NANOG: variants seen among roughly 807,000 people sequenced by gnomAD.
The protein encoded by NANOG is homeobox protein NANOG.
NANOG carries 2 observed loss-of-function variants against 17.7 expected under a neutral mutation model. That is an observed-to-expected ratio of 0.11 (90% CI 0.05 to 0.36). NANOG has a LOEUF of 0.36. Among genes scored for constraint, NANOG ranks in the 10% least tolerant of loss-of-function variants. The pLI is 1.00. For synonymous variants in NANOG, 81 were observed against 124.7 expected (o/e 0.65, Z 2.33); for missense variants, 174 against 362.1 (o/e 0.48, Z 4.22).
chr12:7,789,445 G>C lies in NANOG; in HGVS notation c.-170G>C. On this transcript the variant is annotated 5_prime_UTR_variant, in exon 1 of 4. Coordinates refer to ENST00000229307, the MANE Select transcript of NANOG (RefSeq NM_024865.4). ...GGATTTTAACGTTCTGCTGGACTGA[G>C]CTGGTTGCCTCATGTTATTATGCAG... is the stretch of plus-strand genomic sequence containing the variant. 2 of 616,136 alleles carry C rather than the reference G, an allele frequency of 3.2e-6. No homozygotes were observed. The highest frequency in any genetic ancestry group is 5.7e-6 in the Non-Finnish European group (2 of 349,240). 38.2% of individuals were successfully genotyped at this position (616,136 alleles called of 1,614,324 possible).
chr12:7,797,825 G>C lies in NANOG; in HGVS notation c.*2730G>C, dbSNP rs1862951529. The C allele has an allele frequency of 6.6e-6, 1 of 152,056 alleles. No individual in the cohort carries two copies. The allele number at this position is 152,056 out of a possible 1,614,324, so 9.4% of individuals were successfully genotyped here. ...CACACCACCATGCCAGCTAACTTTTGTGTTTTTAGGAGAGACGGGGTTTCC... is the reference window on the plus strand; with the variant it reads ...CACACCACCATGCCAGCTAACTTTTCTGTTTTTAGGAGAGACGGGGTTTCC... On this transcript the variant is annotated 3_prime_UTR_variant, in exon 4 of 4. Transcript: ENST00000229307.
At chr12:7,793,328 C>A in intron 2 of NANOG, 116 bp downstream of exon 2, 2 of 913,472 alleles carry the variant, frequency 2.2e-6, no homozygotes, top group African/African-American at 1.7e-5. Flanking sequence ...TCGCCTCTTG[C>A]AAATAATTTA....
At position 7,789,469 on chromosome 12, in the gene NANOG, A is replaced by G. The variant is rs1862803740; in HGVS notation, c.-146A>G. ...AGCTGGTTGCCTCATGTTATTATGCAGGCAACTCACTTTATCCCAATTTCT... is the reference window on the plus strand; with the variant it reads ...AGCTGGTTGCCTCATGTTATTATGCGGGCAACTCACTTTATCCCAATTTCT... On this transcript the variant is annotated 5_prime_UTR_variant, in exon 1 of 4. Transcript: ENST00000229307. 4 of 657,666 alleles carry G rather than the reference A, an allele frequency of 6.1e-6. No homozygotes were observed. The highest frequency in any genetic ancestry group is 1.9e-5 in the South Asian group (1 of 51,758). The allele number at this position is 657,666 out of a possible 1,614,324, so 40.7% of individuals were successfully genotyped here.
chr12:7,794,540 G>T lies in NANOG; in HGVS notation c.498G>T (p.Thr166=), dbSNP rs759258513. 6.2e-7 allele frequency: 1 copy of T among 1,613,010 alleles called. No individual in the cohort carries two copies. Among genetic ancestry groups the T allele is most frequent in the African/African-American group, 1.3e-5 (1 of 74,888 alleles). Reference sequence around the variant, plus strand: ...GGCCGAAGAATAGCAATGGTGTGACGCAGGTAACAGGAAACTTCATTCTGT... The same window carrying T: ...GGCCGAAGAATAGCAATGGTGTGACTCAGGTAACAGGAAACTTCATTCTGT... ...NNWPKNSNGV[T]QKASAPTYPS... is the part of the protein sequence containing the mutation. Residue 166 remains threonine, a synonymous_variant, in exon 3 of 4, where the codon ACG becomes ACT. Coordinates refer to ENST00000229307, the MANE Select transcript of NANOG (RefSeq NM_024865.4).
At position 7,796,245 on chromosome 12, in the gene NANOG, A is replaced by T. The variant is rs1435948410; in HGVS notation, c.*1150A>T. ...GGTTGTAGTGAGCCAATATCACACC[A>T]CTGCACTCCAGCTTGGGCGACAAGA... On this transcript the variant is annotated 3_prime_UTR_variant, in exon 4 of 4. Transcript: ENST00000229307. 6.6e-6 allele frequency: 1 copy of T among 152,146 alleles called. No individual in the cohort carries two copies. The highest frequency in any genetic ancestry group is 6.6e-5 in the Admixed American group (1 of 15,254). 9.4% of individuals were successfully genotyped at this position (152,146 alleles called of 1,614,324 possible).
At chr12:7,790,840 A>C (rs1222035963) in intron 1 of NANOG, among the ~76,000 whole-genome samples, 1 of 152,110 alleles carries the variant, frequency 6.6e-6, no homozygotes, top group South Asian at 2.1e-4. Context: ...CAACCCTGAG[A>C]TCAAGTGATC....
Position 7,796,434 on chromosome 12 carries a change from C to T in NANOG, c.*1339C>T, listed in dbSNP as rs1193620528. ...ATCTACAAATGTAATGGGTTATTTC[C>T]GTGTATGAATCTGTAATTGATGCTA... On this transcript the variant is annotated 3_prime_UTR_variant, in exon 4 of 4. Coordinates refer to ENST00000229307, the MANE Select transcript of NANOG (RefSeq NM_024865.4). The T allele has an allele frequency of 2.0e-5, 3 of 152,034 alleles. No individual in the cohort carries two copies. The highest frequency in any genetic ancestry group is 4.4e-5 in the Non-Finnish European group (3 of 68,020). 9.4% of individuals were successfully genotyped at this position (152,034 alleles called of 1,614,324 possible). A position where few individuals can be genotyped will look rare whatever the true frequency, so the allele number is the denominator to read the frequency against.
Position 7,794,781 on chromosome 12 carries a change from A to C in NANOG, c.604A>C (p.Asn202His). The change falls in exon 4 of 4, where the codon AAC becomes CAC. Residue 202 changes from asparagine (N) to histidine (H), a missense_variant. Asn to His is a moderately conservative substitution (Grantham distance 68, BLOSUM62 1). Around this residue, in one of 2 missense-constraint regions of NANOG, gnomAD observed 158 missense variants for 244.2 expected, o/e 0.65. Transcript: ENST00000229307. Reference protein sequence around the residue: ...NLPMWSNQTWNNSTWSNQTQN... With the variant: ...NLPMWSNQTWHNSTWSNQTQN... ...TCCAATGTGGAGCAACCAGACCTGGAACAATTCAACCTGGAGCAACCAGAC... is the reference window on the plus strand; with the variant it reads ...TCCAATGTGGAGCAACCAGACCTGGCACAATTCAACCTGGAGCAACCAGAC... The C allele has an allele frequency of 6.4e-7, 1 of 1,555,888 alleles. No homozygotes were observed. Among genetic ancestry groups the C allele is most frequent in the Non-Finnish European group, 8.7e-7 (1 of 1,149,312 alleles).
At chr12:7,791,619 C>A (rs1260579708) in intron 1 of NANOG, among the ~76,000 whole-genome samples, 8 of 152,044 alleles carry the variant, frequency 5.3e-5, no homozygotes, top group African/African-American at 1.9e-4. Flanking sequence ...TATGTGACTG[C>A]AGGGGTAGAA....
At chr12:7,790,592 CA>C (rs1452210767) in intron 1 of NANOG, among the ~76,000 whole-genome samples, 1 of 152,118 alleles carries the variant, frequency 6.6e-6, no homozygotes, top group Non-Finnish European at 1.5e-5. Context: ...GAGAATGAAC[CA>C]ACTTTACCAA....
chr12:7,792,638 T>C (rs1862856898), intron 1 of NANOG, among the ~76,000 whole-genome samples: 1 of 152,028 alleles, frequency 6.6e-6, no homozygotes, highest in Non-Finnish European at 1.5e-5. Flanking sequence ...CACTTCAGCC[T>C]GGGCAACAAG....
chr12:7,793,352 C>T (rs1213646369), intron 2 of NANOG, 140 bp downstream of exon 2: 1 of 723,908 alleles, frequency 1.4e-6, no homozygotes, highest in East Asian at 2.7e-5. Context: ...AGATGAAATG[C>T]TTTTGTAACT....
intron 1 of NANOG, among the ~76,000 whole-genome samples, chr12:7,790,302 T>G (rs560577184): frequency 6.6e-6 from 1 of 152,234 alleles, no homozygotes; most frequent in Non-Finnish European, 1.5e-5. Flanking sequence ...TCTGGGTTTG[T>G]GGATGTTACT....
In NANOG at chr12:7,789,665, C is replaced by A. The variant is rs377465904; in HGVS notation, c.51C>A (p.Ser17=). ...CPQSLPCFEA[S]DCKESSPMPV... ...AAAGCTTGCCTTGCTTTGAAGCATC[C>A]GACTGTAAAGAATCTTCACCTATGC... Residue 17 remains serine, a synonymous_variant, in exon 1 of 4, where the codon TCC becomes TCA. Transcript: ENST00000229307. The A allele has an allele frequency of 1.9e-6, 3 of 1,614,164 alleles. No individual in the cohort carries two copies. The East Asian group carries it at 6.7e-5, about 36-fold the overall frequency.
chr12:7,793,038 A>G lies in NANOG; in HGVS notation c.240A>G (p.Ala80=), dbSNP rs770289302. 9 of 1,609,946 alleles carry G rather than the reference A, an allele frequency of 5.6e-6. No homozygotes were observed. Among genetic ancestry groups the G allele is most frequent in the Middle Eastern group, 1.7e-4 (1 of 5,724 alleles). ...CCAAAGGCAAACAACCCACTTCTGC[A>G]GAGAAGAGTGTCGCAAAAAAGGAAG... ...TSPKGKQPTS[A]EKSVAKKEDK... Residue 80 remains alanine (A), a synonymous_variant, in exon 2 of 4, where the codon GCA becomes GCG. Coordinates refer to ENST00000229307, the MANE Select transcript of NANOG (RefSeq NM_024865.4).
chr12:7,790,800 C>T (rs1353251238), intron 1 of NANOG, among the ~76,000 whole-genome samples: 1 of 152,118 alleles, frequency 6.6e-6, no homozygotes. Flanking sequence ...GGCTGGAGTG[C>T]AATGGTGTGA....
In NANOG at chr12:7,792,396, G is replaced by A. The variant is rs143476197; in HGVS notation, c.152-554G>A. Among the ~76,000 whole-genome samples the A allele has an allele frequency of 1.4e-3, 219 of 152,226 alleles. 1 individual carries two copies. Among genetic ancestry groups the A allele is most frequent in the African/African-American group, 5.1e-3 (212 of 41,542 alleles). ...AAGGTGGTAGCGCCGGCCTGATGAG[G>A]TGGCTCACACCTGTAATCTCAGTAC... On this transcript the variant is annotated intron_variant, in intron 1 of 3. Transcript: ENST00000229307.
rs1222686162 is a variant in NANOG at position 7,798,457 on chromosome 12, CCTTT to C, written c.*3367_*3370del. 1 of 152,278 alleles carries C rather than the reference CCTTT, an allele frequency of 6.6e-6. No homozygotes were observed. Among genetic ancestry groups the C allele is most frequent in the East Asian group, 1.9e-4 (1 of 5,190 alleles). The allele number at this position is 152,278 out of a possible 1,614,324, so 9.4% of individuals were successfully genotyped here. A position where few individuals can be genotyped will look rare whatever the true frequency, so the allele number is the denominator to read the frequency against. Reference sequence around the variant, plus strand: ...TTTCTTCCTTTCTCTAGAAAATTTTCCTTTCTTTTCCCAAAAGGAGGTGTGTGTT... The same window carrying C: ...TTTCTTCCTTTCTCTAGAAAATTTTCCTTTTCCCAAAAGGAGGTGTGTGTT... On this transcript the variant is annotated 3_prime_UTR_variant, in exon 4 of 4. Coordinates refer to ENST00000229307, the MANE Select transcript of NANOG (RefSeq NM_024865.4).
chr12:7,793,357 G>T (rs1261797243), intron 2 of NANOG, 145 bp downstream of exon 2: 4 of 716,196 alleles, frequency 5.6e-6, no homozygotes, highest in Non-Finnish European at 7.0e-6. Context: ...AAATGCTTTT[G>T]TAACTTCCTT....
Sources: allele counts gnomAD v4.1 joint callset (sites outside exome capture counted in the v4.1 genomes callset), GRCh38; gene constraint gnomAD v4.1.1; regional missense constraint gnomAD v4.1.1; transcripts MANE v1.5; gene names NCBI Gene and HGNC (gene_info 2026-07-23, HGNC 2026-07-21).